SENP7: variants seen among roughly 807,000 people sequenced by gnomAD.
SENP7 encodes SUMO specific peptidase 7, also known as sentrin-specific protease 7.
In SENP7, 64 loss-of-function variants were observed where a neutral mutation model predicts 141.2. That is an observed-to-expected ratio of 0.45 (90% CI 0.37 to 0.56). The LOEUF is 0.56. Among genes scored for constraint, SENP7 ranks in the 20% least tolerant of loss-of-function variants. SENP7 has a pLI of 0.00. For synonymous variants in SENP7, 382 were observed against 426.4 expected (o/e 0.90, Z 1.28); for missense variants, 1,025 against 1,212.2 (o/e 0.85, Z 2.29).
intron 4 of SENP7, among the ~76,000 whole-genome samples, chr3:101,427,828 T>C (rs894336302): frequency 1.3e-4 from 20 of 152,134 alleles, no homozygotes; most frequent in Non-Finnish European, 2.6e-4. Flanking sequence ...GTATTTCTCC[T>C]AACGCTATCC....
Position 101,364,888 on chromosome 3 carries a change from A to T in SENP7, c.1422T>A (p.Ser474Arg), listed in dbSNP as rs1385986875. The change falls in exon 10 of 24, where the codon AGT (serine) becomes AGA (arginine). Residue 474 changes from serine to arginine, a missense_variant. Ser to Arg is a moderately radical substitution (Grantham distance 110, BLOSUM62 -1). Transcript: ENST00000394095. The part of the protein sequence containing the change: ...QDRETTNENE[S>R]TSESALLELP... ...GTTCTAACAATGCTGATTCAGAAGT[A>T]CTCTCATTTTCATTAGTTGTCTCAC... is the stretch of plus-strand genomic sequence containing the variant. 1.2e-6 allele frequency: 2 copies of T among 1,603,152 alleles called. No individual in the cohort carries two copies. Among genetic ancestry groups the T allele is most frequent in the Middle Eastern group, 1.7e-4 (1 of 6,058 alleles).
At chr3:101,500,323 G>A (rs2065327896) in intron 2 of SENP7, among the ~76,000 whole-genome samples, 1 of 152,194 alleles carries the variant, frequency 6.6e-6, no homozygotes, top group African/African-American at 2.4e-5. Context: ...GGGAGGCCAA[G>A]GCAGGAGGAT....
intron 7 of SENP7, among the ~76,000 whole-genome samples, chr3:101,371,166 A>G (rs1387003021): frequency 1.3e-5 from 2 of 152,012 alleles, no homozygotes; most frequent in African/African-American, 2.4e-5. Context: ...GTGCATGACT[A>G]TAGTCTCAAC....
rs946767815 is a variant in SENP7 at position 101,372,140 on chromosome 3, C to G, written c.678-14G>C. 8 of 1,348,550 alleles carry G rather than the reference C, an allele frequency of 5.9e-6. No homozygotes were observed. In the Admixed American group the frequency reaches 6.0e-5, roughly 10 times the overall value. 83.5% of individuals were successfully genotyped at this position (1,348,550 alleles called of 1,614,324 possible). A position where few individuals can be genotyped will look rare whatever the true frequency, so the allele number is the denominator to read the frequency against. On this transcript the variant is annotated splice_polypyrimidine_tract_variant and intron_variant, in intron 6 of 23. Transcript: ENST00000394095. ...CGTTGTGAGCCCCTGCAAAAGAGAACTGTATTATACTCAATTCTAATAAAG... is the reference window on the plus strand; with the variant it reads ...CGTTGTGAGCCCCTGCAAAAGAGAAGTGTATTATACTCAATTCTAATAAAG...
intron 1 of SENP7, among the ~76,000 whole-genome samples, chr3:101,507,325 C>T (rs2065662267): frequency 6.6e-6 from 1 of 152,144 alleles, no homozygotes; most frequent in African/African-American, 2.4e-5. Flanking sequence ...TTACCATACC[C>T]CCTTAATTTA....
chr3:101,361,661 A>T lies in SENP7; in HGVS notation c.1623+54T>A, dbSNP rs2059905729. ...GCTAAGAAAAAAAAGGAAAAAAATT[A>T]AAATGCCTTGTCCAAGATCCAAACT... is the stretch of plus-strand genomic sequence containing the variant. On this transcript the variant is annotated intron_variant, in intron 11 of 23. Transcript: ENST00000394095. 4.1e-6 allele frequency: 6 copies of T among 1,453,948 alleles called. No individual in the cohort carries two copies. In the South Asian group the frequency reaches 8.1e-5, roughly 20 times the overall value. The allele number at this position is 1,453,948 out of a possible 1,614,324, so 90.1% of individuals were successfully genotyped here. A position where few individuals can be genotyped will look rare whatever the true frequency, so the allele number is the denominator to read the frequency against.
chr3:101,483,536 C>T (rs541709849), intron 3 of SENP7, among the ~76,000 whole-genome samples: 6 of 152,256 alleles, frequency 3.9e-5, no homozygotes, highest in South Asian at 2.1e-4. Flanking sequence ...ACCTGCGTGA[C>T]GGTATAATAG....
chr3:101,445,542 C>G (rs1292845852), intron 4 of SENP7, among the ~76,000 whole-genome samples: 2 of 151,906 alleles, frequency 1.3e-5, no homozygotes, highest in Non-Finnish European at 2.9e-5. Context: ...TGACAAATGT[C>G]TTTACACTAC....
intron 7 of SENP7, among the ~76,000 whole-genome samples, chr3:101,368,926 C>CT (rs1212234967): frequency 1.3e-5 from 2 of 152,074 alleles, no homozygotes; most frequent in Non-Finnish European, 2.9e-5. Flanking sequence ...TACCTTTGCT[C>CT]TGTAGTTGGC....
At chr3:101,420,253 A>T (rs1001202319) in intron 4 of SENP7, among the ~76,000 whole-genome samples, 4 of 152,210 alleles carry the variant, frequency 2.6e-5, no homozygotes, top group Non-Finnish European at 2.9e-5. Flanking sequence ...CTGTAGTCCC[A>T]GCTACTCAGG....
chr3:101,433,968 C>A (rs1257916765), intron 4 of SENP7, among the ~76,000 whole-genome samples: 1 of 88,786 alleles, frequency 1.1e-5, no homozygotes, highest in African/African-American at 5.3e-5. Flanking sequence ...TTTCATCCAA[C>A]AGCTGCAGAA....
intron 17 of SENP7, among the ~76,000 whole-genome samples, chr3:101,336,870 G>A (rs2059199499): frequency 6.6e-6 from 1 of 152,140 alleles, no homozygotes; most frequent in South Asian, 2.1e-4. Context: ...GCTAAATTGT[G>A]CAAACAAATA....
chr3:101,486,834 G>A (rs2064749879), intron 3 of SENP7, among the ~76,000 whole-genome samples: 1 of 152,140 alleles, frequency 6.6e-6, no homozygotes, highest in Non-Finnish European at 1.5e-5. Flanking sequence ...ACTGCAGAAT[G>A]GATAAGAACT....
At chr3:101,507,322 AC>A (rs1203690828) in intron 1 of SENP7, among the ~76,000 whole-genome samples, 2 of 151,960 alleles carry the variant, frequency 1.3e-5, no homozygotes, top group Admixed American at 6.6e-5. Context: ...GTGTTACCAT[AC>A]CCCCTTAATT....
chr3:101,340,076 C>A lies in SENP7; in HGVS notation c.2357+19G>T, dbSNP rs1283457725. On this transcript the variant is annotated intron_variant, in intron 16 of 23. Transcript: ENST00000394095. ...GTAAAATCTGTAAAATATGTAGGAT[C>A]ATTTATCATTGTACTTACTTAAGGT... The A allele has an allele frequency of 1.9e-6, 3 of 1,540,660 alleles. No homozygotes were observed. The highest frequency in any genetic ancestry group is 2.4e-5 in the East Asian group (1 of 41,736).
At chr3:101,426,770 T>G (rs1006591482) in intron 4 of SENP7, among the ~76,000 whole-genome samples, 1 of 152,110 alleles carries the variant, frequency 6.6e-6, no homozygotes, top group Non-Finnish European at 1.5e-5. Context: ...GCATGAGCCA[T>G]GGCACCCAGC....
At chr3:101,486,120 G>A (rs2064717673) in intron 3 of SENP7, among the ~76,000 whole-genome samples, 1 of 152,080 alleles carries the variant, frequency 6.6e-6, no homozygotes, top group Non-Finnish European at 1.5e-5. Context: ...TATGTTAAAC[G>A]ACCAAACATA....
chr3:101,336,247 CAAT>C (rs1349667932), intron 17 of SENP7, among the ~76,000 whole-genome samples: 3 of 152,158 alleles, frequency 2.0e-5, no homozygotes, highest in African/African-American at 7.2e-5. Context: ...AGCAGGCACT[CAAT>C]AAATATTAAT....
Position 101,340,149 on chromosome 3 carries a change from TCCAG to T in SENP7, c.2299_2302del (p.Leu767SerfsTer3). On this transcript the variant is annotated frameshift_variant, in exon 16 of 24. Coordinates refer to ENST00000394095, the MANE Select transcript of SENP7 (RefSeq NM_020654.5). LOFTEE classifies it high-confidence loss of function. ...AAGAAACTCTCCTTCTTCTAAACAC[TCCAG>T]ATCTTCATTAGTTACTCCTAATCCC... 1 of 1,601,656 alleles carries T rather than the reference TCCAG, an allele frequency of 6.2e-7. No individual in the cohort carries two copies. Among genetic ancestry groups the T allele is most frequent in the Non-Finnish European group, 8.5e-7 (1 of 1,175,598 alleles).
Sources: gnomAD v4.1 joint callset for allele counts (sites outside exome capture counted in the v4.1 genomes callset) on GRCh38, gnomAD v4.1.1 for gene constraint, MANE v1.5 for transcripts, NCBI Gene and HGNC (gene_info 2026-07-23, HGNC 2026-07-21) for gene names.